Variants in ARHGEF38 observed in about 807,000 individuals in gnomAD.
ARHGEF38 encodes the protein Rho guanine nucleotide exchange factor 38, also known as Rho guanine nucleotide exchange factor (GEF) 38.
A neutral mutation model predicts 79.9 loss-of-function variants in ARHGEF38; 79 were observed. The ratio of observed to expected loss-of-function variants is 0.99; its 90% CI spans 0.82 to 1.19. The LOEUF (loss-of-function observed/expected upper bound fraction) is 1.19, where lower values mean the gene tolerates loss of function less well. Among genes scored for constraint, ARHGEF38 ranks in the 50% most tolerant of loss-of-function variants. The pLI, the probability that ARHGEF38 is intolerant of heterozygous loss-of-function variation, is 0.00. For synonymous variants in ARHGEF38, 366 were observed against 328.3 expected (o/e 1.11, Z -1.24); for missense variants, 962 against 907.2 (o/e 1.06, Z -0.78).
intron 8 of ARHGEF38, 59 bp downstream of exon 8, chr4:105,654,228 T>A: frequency 3.0e-6 from 3 of 996,554 alleles, no homozygotes; most frequent in Non-Finnish European, 4.2e-6. Context: ...AAACCATTGA[T>A]TTCCATGGTT....
At chr4:105,607,949 G>T (rs1363342770) in intron 2 of ARHGEF38, among the ~76,000 whole-genome samples, 1 of 151,662 alleles carries the variant, frequency 6.6e-6, no homozygotes, top group African/African-American at 2.4e-5. Flanking sequence ...TACTATTTTT[G>T]TCCAGTTAGG....
chr4:105,572,369 T>TG (rs2110424614), intron 1 of ARHGEF38, among the ~76,000 whole-genome samples: 1 of 152,322 alleles, frequency 6.6e-6, no homozygotes, highest in Admixed American at 6.5e-5. Flanking sequence ...TTCCCCCTAA[T>TG]TTTTCATTTG....
Position 105,680,291 on chromosome 4 carries a change from TCTA to T in ARHGEF38, c.*2358_*2360del. 2.9e-6 allele frequency: 1 copy of T among 339,928 alleles called. No homozygotes were observed. Among genetic ancestry groups the T allele is most frequent in the South Asian group, 2.8e-5 (1 of 35,524 alleles). 21.1% of individuals were successfully genotyped at this position (339,928 alleles called of 1,614,324 possible). A position where few individuals can be genotyped will look rare whatever the true frequency, so the allele number is the denominator to read the frequency against. On this transcript the variant is annotated 3_prime_UTR_variant, in exon 14 of 14. Transcript: ENST00000420470. ...ATAGAAAAATGATAGTCACCACATA[TCTA>T]CTAATGGGATTAAAATGTACAATCC...
chr4:105,661,398 G>A (rs887227609), intron 10 of ARHGEF38, among the ~76,000 whole-genome samples: 1 of 151,576 alleles, frequency 6.6e-6, no homozygotes, highest in Non-Finnish European at 1.5e-5. Context: ...AAAACAACCA[G>A]ACTGTTTTCC....
At chr4:105,588,795 G>T (rs1337062730) in intron 1 of ARHGEF38, among the ~76,000 whole-genome samples, 1 of 152,084 alleles carries the variant, frequency 6.6e-6, no homozygotes, top group East Asian at 1.9e-4. Context: ...TTGAGATTTG[G>T]ATATTACCCA....
At chr4:105,561,419 A>AATAGAATAGAATAGAATGGAATG (rs1725538816) in intron 1 of ARHGEF38, among the ~76,000 whole-genome samples, 4 of 46,042 alleles carry the variant, frequency 8.7e-5, no homozygotes, top group Non-Finnish European at 1.3e-4. Context: ...AGAATAGAAT[A>AATAGAATAGAATAGAATGGAATG]GAATGGAATA....
intron 10 of ARHGEF38, among the ~76,000 whole-genome samples, chr4:105,664,079 T>C (rs759343230): frequency 6.6e-6 from 1 of 152,192 alleles, no homozygotes; most frequent in Non-Finnish European, 1.5e-5. Flanking sequence ...TCTTGGCTAT[T>C]GTGAATAATG....
chr4:105,589,022 A>T (rs907800452), intron 1 of ARHGEF38, among the ~76,000 whole-genome samples: 1 of 152,264 alleles, frequency 6.6e-6, no homozygotes, highest in Non-Finnish European at 1.5e-5. Flanking sequence ...AGAAGCCACG[A>T]TAATTGAGTA....
chr4:105,622,344 A>G (rs1728769039), intron 3 of ARHGEF38, among the ~76,000 whole-genome samples: 1 of 152,214 alleles, frequency 6.6e-6, no homozygotes, highest in South Asian at 2.1e-4. Context: ...AAGGAATGTA[A>G]GAGTCTGTGA....
At chr4:105,562,405 A>G (rs1296555347) in intron 1 of ARHGEF38, among the ~76,000 whole-genome samples, 1 of 152,238 alleles carries the variant, frequency 6.6e-6, no homozygotes, top group Non-Finnish European at 1.5e-5. Flanking sequence ...AATAATTACA[A>G]CTATATTGAT....
Position 105,680,257 on chromosome 4 carries a change from A to G in ARHGEF38, c.*2320A>G. On this transcript the variant is annotated 3_prime_UTR_variant, in exon 14 of 14. Transcript: ENST00000420470. ...GTAGTTATATAATCTTACATAAAGC[A>G]TATGCAAAATAGAAAAATGATAGTC... The G allele has an allele frequency of 2.7e-6, 1 of 374,284 alleles. No homozygotes were observed. The highest frequency in any genetic ancestry group is 2.6e-5 in the South Asian group (1 of 38,060). 23.2% of individuals were successfully genotyped at this position (374,284 alleles called of 1,614,324 possible).
intron 6 of ARHGEF38, among the ~76,000 whole-genome samples, chr4:105,647,267 CTTCT>C (rs1468247359): frequency 6.6e-6 from 1 of 151,890 alleles, no homozygotes; most frequent in Non-Finnish European, 1.5e-5. Flanking sequence ...TTTCTCTTTT[CTTCT>C]GTCTTTCTCT....
chr4:105,559,438 A>T (rs953479162), intron 1 of ARHGEF38, among the ~76,000 whole-genome samples: 1 of 152,080 alleles, frequency 6.6e-6, no homozygotes, highest in African/African-American at 2.4e-5. Flanking sequence ...TGTTCAGATC[A>T]TGTCTACCAG....
At chr4:105,603,616 C>T (rs560496012) in intron 2 of ARHGEF38, among the ~76,000 whole-genome samples, 4 of 152,114 alleles carry the variant, frequency 2.6e-5, no homozygotes, top group African/African-American at 4.8e-5. Context: ...TCCTGAGCCC[C>T]GAGGCATCCA....
At chr4:105,606,328 T>C (rs1560716856) in intron 2 of ARHGEF38, among the ~76,000 whole-genome samples, 1 of 152,100 alleles carries the variant, frequency 6.6e-6, no homozygotes, top group Non-Finnish European at 1.5e-5. Flanking sequence ...GTGCTGTTTA[T>C]TTTCTCCCTT....
At chr4:105,591,452 A>G (rs774702520) in intron 2 of ARHGEF38, among the ~76,000 whole-genome samples, 1 of 152,152 alleles carries the variant, frequency 6.6e-6, no homozygotes, top group Non-Finnish European at 1.5e-5. Context: ...GGTGGTCTCC[A>G]TCTCCTGACC....
At chr4:105,656,827 A>G (rs1730347065) in intron 9 of ARHGEF38, among the ~76,000 whole-genome samples, 1 of 152,156 alleles carries the variant, frequency 6.6e-6, no homozygotes, top group Non-Finnish European at 1.5e-5. Flanking sequence ...AGAGCCTCAC[A>G]TAATTCCAAA....
chr4:105,622,547 T>C (rs992973793), intron 3 of ARHGEF38, among the ~76,000 whole-genome samples: 10 of 152,154 alleles, frequency 6.6e-5, no homozygotes, highest in African/African-American at 2.2e-4. Flanking sequence ...AGGATTCAGT[T>C]TGCCTTCCTG....
intron 3 of ARHGEF38, among the ~76,000 whole-genome samples, chr4:105,630,668 A>G (rs1053874768): frequency 6.6e-6 from 1 of 152,208 alleles, no homozygotes; most frequent in African/African-American, 2.4e-5. Flanking sequence ...AAAAGAAAAA[A>G]AAGAAAAGAC....
Sources: gnomAD v4.1 joint callset for allele counts (sites outside exome capture counted in the v4.1 genomes callset) on GRCh38, gnomAD v4.1.1 for gene constraint, MANE v1.5 for transcripts, NCBI Gene and HGNC (gene_info 2026-07-23, HGNC 2026-07-21) for gene names.